The following SYNE2 variants were observed in gnomAD, a reference collection of about 807,000 sequenced individuals.
SYNE2 encodes the protein spectrin repeat containing nuclear envelope protein 2.
Under a neutral mutation model 856.3 loss-of-function variants are expected in SYNE2, and 431 were observed. That is an observed-to-expected ratio of 0.50 (90% confidence interval 0.47 to 0.55). The LOEUF (loss-of-function observed/expected upper bound fraction) is 0.55, where lower values mean the gene tolerates loss of function less well. SYNE2 is among the 20% of genes least tolerant of loss of function. The probability of loss-of-function intolerance (pLI) is 0.00; values close to 1 mark genes in which losing one functional copy is unlikely to be tolerated. For synonymous variants in SYNE2, 2,923 were observed against 2,872.3 expected (o/e 1.02, Z -0.56); for missense variants, 8,129 against 8,023.2 (o/e 1.01, Z -0.50).
Position 64,113,352 on chromosome 14 carries a change from T to G in SYNE2, c.12621T>G (p.Pro4207=). The change falls in exon 66 of 116, where the codon CCT becomes CCG. Residue 4207 remains proline (P), a synonymous_variant. Transcript: ENST00000555002. ...RPNQTEEGTT[P]PIEADTLDSS... is the part of the protein sequence containing the mutation. ...TGGATTTCTCTTAGGGCACCACACCTCCTATTGAGGCTGACACTCTGGACT... is the reference window on the plus strand; with the variant it reads ...TGGATTTCTCTTAGGGCACCACACCGCCTATTGAGGCTGACACTCTGGACT... 1 of 1,613,840 alleles carries G rather than the reference T, an allele frequency of 6.2e-7. No individual in the cohort carries two copies. The highest frequency in any genetic ancestry group is 8.5e-7 in the Non-Finnish European group (1 of 1,180,026).
upstream of SYNE2, among the ~76,000 whole-genome samples, chr14:63,849,081 G>T (rs1890320067): frequency 6.6e-6 from 1 of 152,140 alleles, no homozygotes; most frequent in Admixed American, 6.5e-5. Flanking sequence ...ATGAGATAAG[G>T]AGCTCTGGCC....
At chr14:64,126,853 C>T (rs1307102648) in intron 73 of SYNE2, 46 bp downstream of exon 73, 2 of 1,577,196 alleles carry the variant, frequency 1.3e-6, no homozygotes, top group Admixed American at 1.7e-5. Context: ...TTTTAAGTTA[C>T]AGCATGAACC....
intron 32 of SYNE2, among the ~76,000 whole-genome samples, chr14:64,011,707 A>G (rs2153519067): frequency 6.6e-6 from 1 of 152,272 alleles, no homozygotes; most frequent in Non-Finnish European, 1.5e-5. Flanking sequence ...GATAAGTGTC[A>G]GTTATGATGC....
intron 1 of SYNE2, among the ~76,000 whole-genome samples, chr14:63,791,614 G>A (rs912532257): frequency 2.0e-5 from 3 of 152,158 alleles, no homozygotes; most frequent in Non-Finnish European, 4.4e-5. Context: ...GAAGCATACT[G>A]CAATCCCTAT....
At position 64,113,333 on chromosome 14, in the gene SYNE2, T is replaced by A. The variant is rs775066570; in HGVS notation, c.12610-8T>A. The A allele has an allele frequency of 3.7e-6, 6 of 1,613,456 alleles. No homozygotes were observed. The East Asian group carries it at 1.1e-4, about 30-fold the overall frequency. Reference sequence around the variant, plus strand: ...GGACTCCCTGGCTTATCTTTGGATTTCTCTTAGGGCACCACACCTCCTATT... The same window carrying A: ...GGACTCCCTGGCTTATCTTTGGATTACTCTTAGGGCACCACACCTCCTATT... On this transcript the variant is annotated splice_region_variant and splice_polypyrimidine_tract_variant and intron_variant, in intron 65 of 115. Transcript: ENST00000555002.
chr14:64,191,155 A>C, intron 99 of SYNE2: 1 of 392,172 alleles, frequency 2.5e-6, no homozygotes, highest in Non-Finnish European at 4.5e-6. Context: ...TAAATTTATT[A>C]TTTAAATTAA....
intron 19 of SYNE2, among the ~76,000 whole-genome samples, chr14:63,989,182 T>G (rs533032881): frequency 6.6e-6 from 1 of 152,346 alleles, no homozygotes; most frequent in Admixed American, 6.5e-5. Context: ...TGAATTGTGA[T>G]CCATTTTCAT....
At chr14:64,216,423 CTG>C (rs1368759767) in intron 108 of SYNE2, 36 bp downstream of exon 108, 2 of 1,603,760 alleles carry the variant, frequency 1.2e-6, no homozygotes, top group Non-Finnish European at 1.7e-6. Flanking sequence ...CAGCCTATGT[CTG>C]TGAGTCATAC....
intron 2 of SYNE2, among the ~76,000 whole-genome samples, chr14:63,929,404 A>G (rs2095714262): frequency 6.6e-6 from 1 of 152,224 alleles, no homozygotes; most frequent in Non-Finnish European, 1.5e-5. Flanking sequence ...TTGTAAATCT[A>G]AAGAAGAAAG....
chr14:64,177,519 T>G (rs766546003), intron 96 of SYNE2, 36 bp downstream of exon 96: 3 of 1,614,100 alleles, frequency 1.9e-6, no homozygotes, highest in Admixed American at 3.3e-5. Flanking sequence ...AGATAATCAC[T>G]TAGCTGTTTT....
chr14:64,130,191 C>G lies in SYNE2; in HGVS notation c.14283C>G (p.Gly4761=). The change falls in exon 76 of 116, where the codon GGC becomes GGG. Residue 4761 remains glycine (G), a synonymous_variant. Transcript: ENST00000555002. ...TTGGGAAGGAAAAGCTTGCTCATGGCCACTTAAAACAAACCAAAAGTAAAG... is the reference window on the plus strand; with the variant it reads ...TTGGGAAGGAAAAGCTTGCTCATGGGCACTTAAAACAAACCAAAAGTAAAG... ...VKIGKEKLAH[G]HLKQTKSKVA... is the part of the protein sequence containing the mutation. 1 of 1,613,920 alleles carries G rather than the reference C, an allele frequency of 6.2e-7. No individual in the cohort carries two copies. The highest frequency in any genetic ancestry group is 8.5e-7 in the Non-Finnish European group (1 of 1,179,958).
intron 99 of SYNE2, among the ~76,000 whole-genome samples, chr14:64,199,280 G>A (rs2139876064): frequency 6.6e-6 from 1 of 152,304 alleles, no homozygotes; most frequent in Admixed American, 6.5e-5. Flanking sequence ...GTGAGAGGAT[G>A]GGTAGTGCTT....
At chr14:63,856,775 T>A (rs2140075614) in intron 1 of SYNE2, among the ~76,000 whole-genome samples, 1 of 152,168 alleles carries the variant, frequency 6.6e-6, no homozygotes, top group East Asian at 1.9e-4. Flanking sequence ...GTAAATTCAC[T>A]TATTTTATTT....
intron 99 of SYNE2, among the ~76,000 whole-genome samples, chr14:64,199,371 A>T (rs928654400): frequency 1.3e-4 from 19 of 151,840 alleles, no homozygotes; most frequent in Admixed American, 1.1e-3. Context: ...CAAGCTCTTT[A>T]CTCTCTGTGC....
intron 2 of SYNE2, among the ~76,000 whole-genome samples, chr14:63,923,114 A>G (rs945657669): frequency 6.6e-6 from 1 of 152,246 alleles, no homozygotes; most frequent in Non-Finnish European, 1.5e-5. Flanking sequence ...TTATTTCTTC[A>G]TTCCGTAGAT....
chr14:64,051,431 T>A (rs1488318871), intron 47 of SYNE2, 126 bp from the exon 48 acceptor site: 15 of 917,054 alleles, frequency 1.6e-5, no homozygotes, highest in Non-Finnish European at 2.3e-5. Flanking sequence ...TAGATTATTT[T>A]TACAGACAGC....
At chr14:63,831,698 G>T (rs914853684) in intron 1 of SYNE2, among the ~76,000 whole-genome samples, 33 of 151,732 alleles carry the variant, frequency 2.2e-4, no homozygotes, top group Non-Finnish European at 4.7e-4. Context: ...TGATACTACA[G>T]GCATGCACCA....
At chr14:64,197,776 T>C (rs1255994) in intron 99 of SYNE2, among the ~76,000 whole-genome samples, 1 of 152,118 alleles carries the variant, frequency 6.6e-6, no homozygotes, top group African/African-American at 2.4e-5. Context: ...TTAGGCTTGG[T>C]ATATAGAATG....
chr14:63,781,107 T>C (rs142618016), intron 1 of SYNE2, among the ~76,000 whole-genome samples: 3,111 of 152,124 alleles, frequency 0.02, 104 homozygotes, highest in African/African-American at 0.071. Flanking sequence ...AGAAACCTTG[T>C]CTCTACTAAA....
Sources: gnomAD v4.1 joint callset for allele counts (sites outside exome capture counted in the v4.1 genomes callset) on GRCh38, gnomAD v4.1.1 for gene constraint, MANE v1.5 for transcripts, NCBI Gene and HGNC (gene_info 2026-07-23, HGNC 2026-07-21) for gene names.